Variants in CACNA1A observed in about 807,000 individuals in gnomAD.
CACNA1A encodes voltage-dependent P/Q-type calcium channel subunit alpha-1A.
CACNA1A carries 57 observed loss-of-function variants against 262.4 expected under a neutral mutation model. That is an observed-to-expected ratio of 0.22 (90% CI 0.18 to 0.27). CACNA1A has a LOEUF of 0.27. Among genes scored for constraint, CACNA1A ranks in the 10% least tolerant of loss-of-function variants. The pLI, the probability that CACNA1A is intolerant of heterozygous loss-of-function variation, is 1.00. For synonymous variants in CACNA1A, 1,431 were observed against 1,419.3 expected, an observed-to-expected ratio of 1.01 and a Z score of -0.18; for missense variants, 2,526 against 3,562.8, an observed-to-expected ratio of 0.71 and a Z score of 7.41.
intron 24 of CACNA1A, among the ~76,000 whole-genome samples, chr19:13,266,471 A>T (rs971236081): frequency 6.6e-6 from 1 of 152,206 alleles, no homozygotes; most frequent in African/African-American, 2.4e-5. Flanking sequence ...TAAAATCTTG[A>T]TGTCCCAAAC....
chr19:13,311,238 C>A (rs1177910383), intron 12 of CACNA1A, among the ~76,000 whole-genome samples: 2 of 152,104 alleles, frequency 1.3e-5, no homozygotes, highest in Non-Finnish European at 2.9e-5. Flanking sequence ...TACAGGTGTG[C>A]ACCACCACAC....
intron 3 of CACNA1A, among the ~76,000 whole-genome samples, chr19:13,379,988 A>G (rs1460677551): frequency 7.3e-6 from 1 of 136,240 alleles, no homozygotes; most frequent in Non-Finnish European, 1.5e-5. Flanking sequence ...ATTAAGAGCT[A>G]CTTATGAAAT....
intron 7 of CACNA1A, 48 bp downstream of exon 7, chr19:13,335,758 T>C (rs1163891923): frequency 8.3e-7 from 1 of 1,201,798 alleles, no homozygotes; most frequent in Non-Finnish European, 1.2e-6. Context: ...GGAAAGAAGT[T>C]AGCAAAGAGG....
chr19:13,440,124 TA>T (rs1177357666), intron 3 of CACNA1A, among the ~76,000 whole-genome samples: 1 of 152,114 alleles, frequency 6.6e-6, no homozygotes, highest in Non-Finnish European at 1.5e-5. Context: ...CACCCCCAGC[TA>T]ATTAAAAAAT....
Position 13,357,206 on chromosome 19 carries a change from T to G in CACNA1A, c.978+2400A>C, listed in dbSNP as rs528409797. 1.8e-4 allele frequency among the ~76,000 whole-genome samples: 27 copies of G among 152,372 alleles called. No homozygotes were observed. In the South Asian group the frequency reaches 5.6e-3, roughly 32 times the overall value. ...GTGGGGAAATTCCTTAACCCATTTA[T>G]GCCGGAGGTTGCAATTTTTGTGTGT... On this transcript the variant is annotated intron_variant, in intron 6 of 46. Transcript: ENST00000360228.
At chr19:13,384,967 G>T (rs374384068) in intron 3 of CACNA1A, among the ~76,000 whole-genome samples, 1 of 152,102 alleles carries the variant, frequency 6.6e-6, no homozygotes, top group African/African-American at 2.4e-5. Flanking sequence ...TCAAGGGAGA[G>T]AAGTTGATGA....
At chr19:13,436,868 G>T (rs1331572251) in intron 3 of CACNA1A, among the ~76,000 whole-genome samples, 1 of 152,232 alleles carries the variant, frequency 6.6e-6, no homozygotes, top group African/African-American at 2.4e-5. Flanking sequence ...CTTCCTTGAG[G>T]CCTGAGAGTG....
intron 3 of CACNA1A, among the ~76,000 whole-genome samples, chr19:13,396,655 C>A (rs1009708890): frequency 3.9e-5 from 6 of 152,242 alleles, no homozygotes; most frequent in African/African-American, 1.4e-4. Context: ...CTGTACCATG[C>A]AGCTCTGCAG....
At chr19:13,484,134 C>G (rs998261607) in intron 1 of CACNA1A, among the ~76,000 whole-genome samples, 1 of 152,168 alleles carries the variant, frequency 6.6e-6, no homozygotes, top group African/African-American at 2.4e-5. Context: ...TGCCAATTAA[C>G]TTCCCCCGTT....
At chr19:13,503,823 A>G (rs2145183500) in intron 1 of CACNA1A, among the ~76,000 whole-genome samples, 1 of 152,216 alleles carries the variant, frequency 6.6e-6, no homozygotes, top group South Asian at 2.1e-4. Context: ...AACTCATCAT[A>G]AGAGCAAGAA....
chr19:13,351,268 T>C (rs1307041330), intron 6 of CACNA1A, among the ~76,000 whole-genome samples: 1 of 152,218 alleles, frequency 6.6e-6, no homozygotes, highest in Non-Finnish European at 1.5e-5. Context: ...TAAATGGAAT[T>C]CTTTTGTAAG....
intron 6 of CACNA1A, among the ~76,000 whole-genome samples, chr19:13,346,674 T>A (rs2058793274): frequency 7.9e-5 from 4 of 50,500 alleles, no homozygotes; most frequent in Admixed American, 3.1e-4. Context: ...ATATTTTTTT[T>A]TTTTTTTTTT....
In CACNA1A at chr19:13,207,425, CGGCCGTGCCGAGAAGGCGAGGCGCA is replaced by C. The variant is rs1235001929; in HGVS notation, c.7384_7408del (p.Cys2462GlyfsTer138). On this transcript the variant is annotated frameshift_variant, in exon 47 of 47. Transcript: ENST00000360228. LOFTEE classifies it high-confidence loss of function. This position sits in a 1 kb window ranked among gnomAD's most constrained non-coding sequence, Gnocchi z 5.7. ...CGGGTAGTAGCCGTTGGGGAGTCGC[CGGCCGTGCCGAGAAGGCGAGGCGCA>C]GGCCGGGCCCGAGGCCCGGGGAGTC... 6.6e-7 allele frequency: 1 copy of C among 1,523,996 alleles called. No individual in the cohort carries two copies. Among genetic ancestry groups the C allele is most frequent in the Non-Finnish European group, 8.8e-7 (1 of 1,140,232 alleles). The allele number at this position is 1,523,996 out of a possible 1,614,324, so 94.4% of individuals were successfully genotyped here. A position where few individuals can be genotyped will look rare whatever the true frequency, so the allele number is the denominator to read the frequency against.
chr19:13,322,730 G>A (rs1050790237), intron 10 of CACNA1A, among the ~76,000 whole-genome samples: 1 of 151,964 alleles, frequency 6.6e-6, no homozygotes, highest in Non-Finnish European at 1.5e-5. Context: ...TGAGTAGCTG[G>A]GACTACAGGT....
chr19:13,214,037 CA>C lies in CACNA1A; in HGVS notation c.5940+195del. The C allele has an allele frequency of 3.4e-6, 2 of 581,114 alleles. No individual in the cohort carries two copies. The highest frequency in any genetic ancestry group is 6.2e-6 in the Non-Finnish European group (2 of 324,052). 36.0% of individuals were successfully genotyped at this position (581,114 alleles called of 1,614,324 possible). A position where few individuals can be genotyped will look rare whatever the true frequency, so the allele number is the denominator to read the frequency against. On this transcript the variant is annotated intron_variant, in intron 40 of 46. Transcript: ENST00000360228. This position sits in a 1 kb window ranked among gnomAD's most constrained non-coding sequence, Gnocchi z 4.1. Reference sequence around the variant, plus strand: ...CTCACTGTGTTGCCCAGGGTGGTCTCATCCTGGTCTCAAACGATCCCTCTGC... The same window carrying C: ...CTCACTGTGTTGCCCAGGGTGGTCTCTCCTGGTCTCAAACGATCCCTCTGC...
chr19:13,472,748 T>A lies in CACNA1A; in HGVS notation c.294-17536A>T, dbSNP rs181982910. Among the ~76,000 whole-genome samples the A allele has an allele frequency of 2.0e-5, 3 of 152,318 alleles. No individual in the cohort carries two copies. In the East Asian group the frequency reaches 5.8e-4, roughly 29 times the overall value. ...AAAGGGCCTGTAGTAGGTTACTTATTTTATTTTATTTTTCAGAGATGGGGC... is the reference window on the plus strand; with the variant it reads ...AAAGGGCCTGTAGTAGGTTACTTATATTATTTTATTTTTCAGAGATGGGGC... On this transcript the variant is annotated intron_variant, in intron 1 of 46. Transcript: ENST00000360228.
chr19:13,389,623 C>T (rs1202912349), intron 3 of CACNA1A, among the ~76,000 whole-genome samples: 1 of 152,104 alleles, frequency 6.6e-6, no homozygotes, highest in Non-Finnish European at 1.5e-5. Context: ...GCTTTCATTT[C>T]CATCTTTCTG....
At chr19:13,332,951 G>C in intron 8 of CACNA1A, 26 bp from the exon 9 acceptor site, 2 of 1,596,044 alleles carry the variant, frequency 1.3e-6, no homozygotes, top group Non-Finnish European at 1.7e-6. Flanking sequence ...ACAGAGTTAA[G>C]CTCCTGCATT....
intron 24 of CACNA1A, among the ~76,000 whole-genome samples, chr19:13,268,165 G>A (rs1568478415): frequency 6.6e-6 from 1 of 152,154 alleles, no homozygotes; most frequent in Non-Finnish European, 1.5e-5. Context: ...CTTTATGAAG[G>A]AGGGGGTCAG....
Sources: allele counts gnomAD v4.1 joint callset (sites outside exome capture counted in the v4.1 genomes callset), GRCh38; gene constraint gnomAD v4.1.1; non-coding constraint Gnocchi (gnomAD v3.1); transcripts MANE v1.5; gene names NCBI Gene and HGNC (gene_info 2026-07-23, HGNC 2026-07-21).